ELN: variants seen among roughly 807,000 people sequenced by gnomAD.
The protein encoded by ELN is elastin.
A neutral mutation model predicts 105.8 loss-of-function variants in ELN; 65 were observed. The observed-to-expected ratio is 0.61, with a 90% confidence interval of 0.50 to 0.75. ELN has a LOEUF of 0.75. Ranked by LOEUF, ELN falls within the 30% of genes least tolerant of loss-of-function variation. ELN has a pLI of 0.00. For synonymous variants in ELN, 368 were observed against 389.2 expected, an observed-to-expected ratio of 0.95 and a Z score of 0.64; for missense variants, 882 against 969.4, an observed-to-expected ratio of 0.91 and a Z score of 1.20.
At chr7:74,043,956 AG>A (rs1791860727) in intron 9 of ELN, 36 bp downstream of exon 9, 1 of 1,613,378 alleles carries the variant, frequency 6.2e-7, no homozygotes. Flanking sequence ...CTCTATAGGA[AG>A]AAAGCAGCCA....
In ELN at chr7:74,051,920, T is replaced by G; in HGVS notation, c.890-4T>G. Reference sequence around the variant, plus strand: ...GACCTCACCCTCTGTGGCTGTGTTTTCAGGCGTTGGGACTCCAGCTGCAGC... The same window carrying G: ...GACCTCACCCTCTGTGGCTGTGTTTGCAGGCGTTGGGACTCCAGCTGCAGC... On this transcript the variant is annotated splice_region_variant and splice_polypyrimidine_tract_variant and intron_variant, in intron 16 of 32. Transcript: ENST00000252034. 6.2e-7 allele frequency: 1 copy of G among 1,614,052 alleles called. No individual in the cohort carries two copies. The highest frequency in any genetic ancestry group is 1.1e-5 in the South Asian group (1 of 91,084).
chr7:74,054,373 G>A (rs1794802981), intron 18 of ELN, among the ~76,000 whole-genome samples: 1 of 152,054 alleles, frequency 6.6e-6, no homozygotes, highest in South Asian at 2.1e-4. Context: ...GGGAGGCTGA[G>A]GCAGGAGAAG....
chr7:74,035,017 C>T (rs1243679391), intron 1 of ELN, among the ~76,000 whole-genome samples: 1 of 152,108 alleles, frequency 6.6e-6, no homozygotes, highest in African/African-American at 2.4e-5. Context: ...AGCAGAATCG[C>T]TTGACCCAGG....
At chr7:74,051,153 T>A (rs1793938030) in intron 15 of ELN, among the ~76,000 whole-genome samples, 1 of 152,174 alleles carries the variant, frequency 6.6e-6, no homozygotes, top group Non-Finnish European at 1.5e-5. Context: ...CCACTAGGGC[T>A]GAAGTCCTCC....
At chr7:74,053,376 G>T in intron 18 of ELN, 67 bp downstream of exon 18, 1 of 1,573,300 alleles carries the variant, frequency 6.4e-7, no homozygotes. Context: ...GAGAAATATT[G>T]AGACTATTGC....
chr7:74,056,583 G>T, intron 20 of ELN, 89 bp from the exon 21 acceptor site: 3 of 1,607,176 alleles, frequency 1.9e-6, no homozygotes, highest in Non-Finnish European at 8.5e-7. Context: ...TCGTATCCAT[G>T]CCTTACAGGG....
At chr7:74,036,733 T>C in intron 3 of ELN, 149 bp downstream of exon 3, 1 of 1,142,412 alleles carries the variant, frequency 8.8e-7, no homozygotes, top group Non-Finnish European at 1.3e-6. Flanking sequence ...GGAGGAGGCT[T>C]CTTTGAGAAC....
rs782528515 is a variant in ELN at position 74,037,689 on chromosome 7, C to A, written c.164-18C>A. On this transcript the variant is annotated intron_variant, in intron 3 of 32. Transcript: ENST00000252034. The stretch of plus-strand genomic sequence containing the variant: ...TAAGCTGGGCCACCCCATTCACTAT[C>A]TTCTCTTCCCTCTGCAGCGCTGGGG... 9 of 1,610,784 alleles carry A rather than the reference C, an allele frequency of 5.6e-6. No individual in the cohort carries two copies. Among genetic ancestry groups the A allele is most frequent in the South Asian group, 1.1e-5 (1 of 90,096 alleles).
chr7:74,046,273 T>A, intron 11 of ELN, 56 bp downstream of exon 11: 1 of 1,611,712 alleles, frequency 6.2e-7, no homozygotes, highest in Admixed American at 1.7e-5. Context: ...GGCTCTGGCG[T>A]TGGGAGGGGT....
rs555924610 is a variant in ELN at position 74,032,744 on chromosome 7, A to C, written c.83-2620A>C. 1.2e-4 allele frequency among the ~76,000 whole-genome samples: 18 copies of C among 152,194 alleles called. No homozygotes were observed. In the East Asian group the frequency reaches 3.5e-3, roughly 30 times the overall value. On this transcript the variant is annotated intron_variant, in intron 1 of 32. Transcript: ENST00000252034. ...AAGTGCCTGGGGTGCAGGAGGGCAGAACCCCAGGAGAAAGGAAGTCAGGGT... is the reference window on the plus strand; with the variant it reads ...AAGTGCCTGGGGTGCAGGAGGGCAGCACCCCAGGAGAAAGGAAGTCAGGGT...
At chr7:74,061,286 G>C in intron 26 of ELN, 147 bp downstream of exon 26, 1 of 961,958 alleles carries the variant, frequency 1.0e-6, no homozygotes, top group South Asian at 1.3e-5. Context: ...GGAGGCCGAG[G>C]CAGGCAGATC....
rs139718810 is a variant in ELN at position 74,045,236 on chromosome 7, G to A, written c.484G>A (p.Gly162Ser). 43 of 1,613,998 alleles carry A rather than the reference G, an allele frequency of 2.7e-5. No individual in the cohort carries two copies. Among genetic ancestry groups the A allele is most frequent in the Admixed American group, 3.3e-5 (2 of 60,014 alleles). Residue 162 changes from glycine to serine, a missense_variant, in exon 10 of 33, where the codon GGT becomes AGT. By Grantham distance (56) the Gly-to-Ser change is moderately conservative. Coordinates refer to ENST00000252034, the MANE Select transcript of ELN (RefSeq NM_000501.4). ...GGVLPGARFP[G>S]VGVLPGVPTG... ...TCCCCCGGCAGGAGCTCGGTTCCCC[G>A]GTGTGGGGGTGCTCCCTGGAGTTCC...
chr7:74,044,187 G>A (rs189824568), intron 9 of ELN, among the ~76,000 whole-genome samples: 3 of 152,218 alleles, frequency 2.0e-5, no homozygotes, highest in Non-Finnish European at 4.4e-5. Context: ...GCTGCAGTGA[G>A]CTACGATGGT....
intron 3 of ELN, among the ~76,000 whole-genome samples, chr7:74,037,116 C>T (rs969644207): frequency 2.0e-5 from 3 of 151,704 alleles, no homozygotes; most frequent in East Asian, 3.9e-4. Flanking sequence ...CCACCTTGCC[C>T]GGCCCCTTGC....
chr7:74,031,121 G>A (rs1391507027), intron 1 of ELN, among the ~76,000 whole-genome samples: 1 of 152,224 alleles, frequency 6.6e-6, no homozygotes, highest in South Asian at 2.1e-4. Flanking sequence ...CTCCCAAACA[G>A]GCTGCTTCCA....
In ELN at chr7:74,037,199, T is replaced by G. The variant is rs528650384; in HGVS notation, c.164-508T>G. Among the ~76,000 whole-genome samples the G allele has an allele frequency of 2.7e-4, 40 of 148,234 alleles. No individual in the cohort carries two copies. In the Admixed American group the frequency reaches 2.7e-3, roughly 10 times the overall value. On this transcript the variant is annotated intron_variant, in intron 3 of 32. Coordinates refer to ENST00000252034, the MANE Select transcript of ELN (RefSeq NM_000501.4). ...CCGGCTGAGCAGGCACCATCTTCTT[T>G]TTTTTTTTTTTGAGACAAAGTCTTG...
At chr7:74,043,634 G>A in intron 8 of ELN, 1 of 641,200 alleles carries the variant, frequency 1.6e-6, no homozygotes, top group Non-Finnish European at 2.8e-6. Context: ...CCAGAGGTGG[G>A]CTGGCCCAGC....
In ELN at chr7:74,056,336, G is replaced by A. The variant is rs782563418; in HGVS notation, c.1216G>A (p.Gly406Ser). The change falls in exon 20 of 33, where the codon GGC becomes AGC. Residue 406 changes from glycine to serine, a missense_variant. Physicochemically the swap from Gly to Ser is moderately conservative, Grantham distance 56 (BLOSUM62 0). Transcript: ENST00000252034. ...CGGGGTTGGAGCTGGGGGCTTTCCCGGCTTTGGTGTCGGAGTCGGAGGTAT... is the reference window on the plus strand; with the variant it reads ...CGGGGTTGGAGCTGGGGGCTTTCCCAGCTTTGGTGTCGGAGTCGGAGGTAT... Reference protein sequence around the residue: ...TYGVGAGGFPGFGVGVGGIPG... With the variant: ...TYGVGAGGFPSFGVGVGGIPG... 75 of 1,614,020 alleles carry A rather than the reference G, an allele frequency of 4.6e-5. No homozygotes were observed. The highest frequency in any genetic ancestry group is 2.9e-4 in the East Asian group (13 of 44,896).
rs938610139 is a variant in ELN, at chr7:74,046,272, G to T, written c.571+55G>T. On this transcript the variant is annotated intron_variant, in intron 11 of 32. Transcript: ENST00000252034. ...TGGCCAGCCAGGCAGAGGCTCTGGC[G>T]TTGGGAGGGGTTGGGCACCCAAGAT... is the stretch of plus-strand genomic sequence containing the variant. 3.1e-5 allele frequency: 50 copies of T among 1,611,282 alleles called. 2 individuals carry two copies. In the East Asian group the frequency reaches 1.1e-3, roughly 35 times the overall value.
Sources: allele counts gnomAD v4.1 joint callset (sites outside exome capture counted in the v4.1 genomes callset), GRCh38; gene constraint gnomAD v4.1.1; transcripts MANE v1.5; gene names NCBI Gene and HGNC (gene_info 2026-07-23, HGNC 2026-07-21).